IREB2: variants seen among roughly 807,000 people sequenced by gnomAD.
The protein encoded by IREB2 is iron-responsive element-binding protein 2.
Under a neutral mutation model 118.8 loss-of-function variants are expected in IREB2, and 39 were observed. The observed-to-expected ratio is 0.33, with a 90% confidence interval of 0.25 to 0.43. The LOEUF (loss-of-function observed/expected upper bound fraction) is 0.43. Ranked by LOEUF, IREB2 falls within the 20% of genes least tolerant of loss-of-function variation. The pLI is 1.00. For synonymous variants in IREB2, 372 were observed against 392.2 expected (o/e 0.95, Z 0.61); for missense variants, 900 against 1,147.3 (o/e 0.78, Z 3.11).
intron 2 of IREB2, among the ~76,000 whole-genome samples, chr15:78,440,830 A>C (rs539754825): frequency 1.3e-5 from 2 of 152,282 alleles, no homozygotes; most frequent in East Asian, 3.9e-4. Flanking sequence ...CATTGACCTT[A>C]TCAGGGTCAA....
In IREB2 at chr15:78,494,360, A is replaced by G. The variant is rs189567743; in HGVS notation, c.2595+96A>G. 1.8e-3 allele frequency: 2,339 copies of G among 1,293,240 alleles called. 6 individuals carry two copies. The highest frequency in any genetic ancestry group is 2.3e-3 in the Non-Finnish European group (2,108 of 926,244). 80.1% of individuals were successfully genotyped at this position (1,293,240 alleles called of 1,614,324 possible). On this transcript the variant is annotated intron_variant, in intron 20 of 21. Coordinates refer to ENST00000258886, the MANE Select transcript of IREB2 (RefSeq NM_004136.4). ...CTGTCAAAGTTTATCTGGATTTTTT[A>G]TAGTTATTTGAACCTTATAGGTATA...
chr15:78,495,922 A>G (rs896522976), intron 20 of IREB2, among the ~76,000 whole-genome samples: 2 of 152,206 alleles, frequency 1.3e-5, no homozygotes, highest in Non-Finnish European at 2.9e-5. Context: ...AAAAAGTTGA[A>G]AAACACAAGT....
At chr15:78,475,896 A>G (rs1405051936) in intron 8 of IREB2, 5 of 204,596 alleles carry the variant, frequency 2.4e-5, no homozygotes, top group Non-Finnish European at 4.9e-5. Context: ...CAGACACACT[A>G]TTGAGTTGAG....
At chr15:78,459,285 T>G (rs1456663777) in intron 2 of IREB2, among the ~76,000 whole-genome samples, 1 of 152,190 alleles carries the variant, frequency 6.6e-6, no homozygotes, top group Non-Finnish European at 1.5e-5. Flanking sequence ...AGTGCCATTG[T>G]TATACCTAAC....
intron 2 of IREB2, among the ~76,000 whole-genome samples, chr15:78,461,481 A>G (rs2051195228): frequency 6.6e-6 from 1 of 151,934 alleles, no homozygotes; most frequent in Non-Finnish European, 1.5e-5. Context: ...AGGCCTTCCT[A>G]AAAAAAAGGA....
Position 78,483,415 on chromosome 15 carries a change from A to C in IREB2, c.1394A>C (p.Gln465Pro). The change falls in exon 11 of 22, where the codon CAG becomes CCG. Residue 465 changes from glutamine (Q) to proline (P), a missense_variant. By Grantham distance (76) the Gln-to-Pro change is moderately conservative. Coordinates refer to ENST00000258886, the MANE Select transcript of IREB2 (RefSeq NM_004136.4). The stretch of plus-strand genomic sequence containing the variant: ...GTGACAGATATGAAAAGCGATTTCC[A>C]GGCTTGCTTAAATGAAAAGGTAGGT... ...VAVTDMKSDF[Q>P]ACLNEKVGFK... The C allele has an allele frequency of 2.5e-6, 4 of 1,591,358 alleles. No individual in the cohort carries two copies. The highest frequency in any genetic ancestry group is 3.5e-6 in the Non-Finnish European group (4 of 1,159,282).
At position 78,471,915 on chromosome 15, in the gene IREB2, C is replaced by A; in HGVS notation, c.874C>A (p.Leu292Met). The change falls in exon 7 of 22, where the codon CTG (leucine) becomes ATG (methionine). Residue 292 changes from leucine to methionine, a missense_variant. Transcript: ENST00000258886. The stretch of plus-strand genomic sequence containing the variant: ...AACGATGGTGAATGGTTTAGGGATT[C>A]TGGGGTGGGGTAAGTAAATGACTAA... ...HITMVNGLGI[L>M]GWGVGGIETE... is the part of the protein sequence containing the mutation. 6.3e-7 allele frequency: 1 copy of A among 1,582,008 alleles called. No homozygotes were observed. The highest frequency in any genetic ancestry group is 8.6e-7 in the Non-Finnish European group (1 of 1,163,752).
At chr15:78,448,344 C>T (rs1339645463) in intron 2 of IREB2, among the ~76,000 whole-genome samples, 1 of 152,044 alleles carries the variant, frequency 6.6e-6, no homozygotes, top group Non-Finnish European at 1.5e-5. Flanking sequence ...GCGGTTTCAC[C>T]ATGTTGGCCA....
chr15:78,475,111 A>C (rs756823586), intron 8 of IREB2: 2 of 150,452 alleles, frequency 1.3e-5, no homozygotes, highest in Non-Finnish European at 2.9e-5. Context: ...ACATCTTTAC[A>C]CTTAGGGTTT....
intron 2 of IREB2, among the ~76,000 whole-genome samples, chr15:78,456,280 C>A (rs2051103823): frequency 6.6e-6 from 1 of 151,906 alleles, no homozygotes; most frequent in African/African-American, 2.4e-5. Context: ...TTGCATCTTC[C>A]CTGGCAGTAG....
chr15:78,448,110 A>C (rs1433497331), intron 2 of IREB2, among the ~76,000 whole-genome samples: 1 of 152,216 alleles, frequency 6.6e-6, no homozygotes, highest in East Asian at 1.9e-4. Context: ...CTGCTTCCTC[A>C]GACTCTCTCA....
At chr15:78,470,449 G>A in intron 5 of IREB2, 83 bp from the exon 6 acceptor site, 1 of 736,968 alleles carries the variant, frequency 1.4e-6, no homozygotes, top group Non-Finnish European at 2.3e-6. Flanking sequence ...GTATATATAT[G>A]CCTAAGAACG....
chr15:78,467,899 G>GCCTGGGCTGA (rs1234878413), intron 5 of IREB2, among the ~76,000 whole-genome samples: 4 of 151,962 alleles, frequency 2.6e-5, no homozygotes, highest in African/African-American at 9.7e-5. Context: ...TCACTCTATT[G>GCCTGGGCTGA]CCTGGGCTGA....
At chr15:78,485,681 A>G (rs1248582219) in intron 12 of IREB2, 24 bp from the exon 13 acceptor site, 2 of 1,607,744 alleles carry the variant, frequency 1.2e-6, no homozygotes, top group Admixed American at 3.4e-5. Context: ...TGCCATAATA[A>G]ATCATTGTTT....
rs142744642 is a variant in IREB2 at position 78,443,534 on chromosome 15, T to C, written c.106+3653T>C. ...CAAATTTATACTCAGGGTATCTCTA[T>C]GGAAGTGGGCACATCTTAGACATTG... On this transcript the variant is annotated intron_variant, in intron 2 of 21. Transcript: ENST00000258886. Among the ~76,000 whole-genome samples, 562 of 152,368 alleles carry C rather than the reference T, an allele frequency of 3.7e-3. 2 individuals are homozygous for C. The highest frequency in any genetic ancestry group is 0.013 in the African/African-American group (545 of 41,584).
chr15:78,477,730 G>A (rs1281180627), intron 9 of IREB2, among the ~76,000 whole-genome samples: 2 of 151,608 alleles, frequency 1.3e-5, no homozygotes, highest in African/African-American at 4.8e-5. Context: ...GACTAGCTTG[G>A]GCAACATAGC....
chr15:78,439,686 A>G (rs550874985), intron 1 of IREB2, 109 bp from the exon 2 acceptor site: 3 of 649,926 alleles, frequency 4.6e-6, no homozygotes, highest in East Asian at 2.8e-5. Context: ...AACATAGAAT[A>G]TTTTTACCAT....
chr15:78,437,768 C>G (rs1005084045), upstream of IREB2: 1 of 153,040 alleles, frequency 6.5e-6, no homozygotes, highest in Non-Finnish European at 1.5e-5. Flanking sequence ...TCCCACGCGC[C>G]CGATCAGTAT....
At chr15:78,490,874 C>T in intron 18 of IREB2, 113 bp downstream of exon 18, 1 of 989,322 alleles carries the variant, frequency 1.0e-6, no homozygotes, top group South Asian at 1.7e-5. Context: ...CGTAGGTAAT[C>T]TGACTGCCAA....
Sources: allele counts gnomAD v4.1 joint callset (sites outside exome capture counted in the v4.1 genomes callset), GRCh38; gene constraint gnomAD v4.1.1; transcripts MANE v1.5; gene names NCBI Gene and HGNC (gene_info 2026-07-23, HGNC 2026-07-21).